IQCN: variants seen among roughly 807,000 people sequenced by gnomAD.
IQCN encodes the protein IQ motif containing N.
IQCN carries 46 observed loss-of-function variants against 64.4 expected under a neutral mutation model. That is an observed-to-expected ratio of 0.71 (90% confidence interval 0.56 to 0.91). The LOEUF (loss-of-function observed/expected upper bound fraction) is 0.91. Ranked by LOEUF, IQCN falls within the 40% of genes least tolerant of loss-of-function variation. The pLI is 0.00. For missense variants in IQCN, 1,753 were observed against 1,857.4 expected (o/e 0.94, Z 1.03); for synonymous variants, 733 against 775.6 (o/e 0.95, Z 0.91).
In IQCN at chr19:18,264,221, C is replaced by G; in HGVS notation, c.3177+142G>C. 1 of 693,752 alleles carries G rather than the reference C, an allele frequency of 1.4e-6. No homozygotes were observed. Among genetic ancestry groups the G allele is most frequent in the Non-Finnish European group, 2.3e-6 (1 of 428,406 alleles). The allele number at this position is 693,752 out of a possible 1,614,324, so 43.0% of individuals were successfully genotyped here. A position where few individuals can be genotyped will look rare whatever the true frequency, so the allele number is the denominator to read the frequency against. On this transcript the variant is annotated intron_variant, in intron 3 of 3. Coordinates refer to ENST00000392413, the MANE Select transcript of IQCN (RefSeq NM_001145304.2). The surrounding 1 kb of genome is among the most constrained non-coding windows in gnomAD (Gnocchi z 4.3). ...GGTGAATGCTGGTGATGACGCTACCCATCACCGAGGCTCCCACAGTGACCA... is the reference window on the plus strand; with the variant it reads ...GGTGAATGCTGGTGATGACGCTACCGATCACCGAGGCTCCCACAGTGACCA...
At position 18,263,811 on chromosome 19, in the gene IQCN, A is replaced by G. The variant is rs141886756; in HGVS notation, c.3177+552T>C. ...AACATGGGCAGCCCTCCCACCACCC[A>G]CGCTGCAAGGAAGCCTACCCGAGGC... is the stretch of plus-strand genomic sequence containing the variant. On this transcript the variant is annotated intron_variant, in intron 3 of 3. Transcript: ENST00000392413. Among the ~76,000 whole-genome samples, 14 of 152,140 alleles carry G rather than the reference A, an allele frequency of 9.2e-5. No homozygotes were observed. The East Asian group carries it at 2.5e-3, about 27-fold the overall frequency.
rs1969512009 is a variant in IQCN at position 18,264,778 on chromosome 19, C to A, written c.2762G>T (p.Gly921Val). Residue 921 changes from glycine (G) to valine (V), a missense_variant, in exon 3 of 4, where the codon GGT (glycine) becomes GTT (valine). Physicochemically the swap from Gly to Val is moderately radical, Grantham distance 109. Transcript: ENST00000392413. The surrounding 1 kb of genome is among the most constrained non-coding windows in gnomAD (Gnocchi z 4.3). ...LNQALSKEVL[G>V]ATVTKALPQS... is the part of the protein sequence containing the mutation. ...GGGCAGGGCTTTGGTGACAGTGGCA[C>A]CCAGGACCTCCTTGGACAGGGCCTG... 7.1e-6 allele frequency: 11 copies of A among 1,551,328 alleles called. No individual in the cohort carries two copies. The highest frequency in any genetic ancestry group is 9.6e-6 in the Non-Finnish European group (11 of 1,147,046).
chr19:18,263,722 G>C (rs1201085996), intron 3 of IQCN, among the ~76,000 whole-genome samples: 2 of 152,120 alleles, frequency 1.3e-5, no homozygotes, highest in Admixed American at 6.5e-5. Context: ...GGTTGGTAGA[G>C]ACCACGATGT....
intron 3 of IQCN, chr19:18,260,692 G>A (rs1969406902): frequency 6.5e-6 from 1 of 152,854 alleles, no homozygotes; most frequent in African/African-American, 2.4e-5. Context: ...GCAGTGGTCT[G>A]AGATGGGTGG....
At position 18,258,267 on chromosome 19, in the gene IQCN, G is replaced by T. The variant is rs1428909698; in HGVS notation, c.3178-161C>A. ...TAGAGACACCCTCCGAACTCCCGGGGCCAGCGGAGGAATGACCGAGGAGTG... is the reference window on the plus strand; with the variant it reads ...TAGAGACACCCTCCGAACTCCCGGGTCCAGCGGAGGAATGACCGAGGAGTG... On this transcript the variant is annotated intron_variant, in intron 3 of 3. Transcript: ENST00000392413. 4 of 783,520 alleles carry T rather than the reference G, an allele frequency of 5.1e-6. No individual in the cohort carries two copies. In the African/African-American group the frequency reaches 6.8e-5, roughly 13 times the overall value. 48.5% of individuals were successfully genotyped at this position (783,520 alleles called of 1,614,324 possible).
rs753526376 is a variant in IQCN, at chr19:18,266,729, G to A, written c.811C>T (p.Leu271Phe). 4.3e-6 allele frequency: 7 copies of A among 1,614,016 alleles called. No homozygotes were observed. The African/African-American group carries it at 8.0e-5, about 18-fold the overall frequency. Residue 271 changes from leucine (L) to phenylalanine (F), a missense_variant, in exon 3 of 4, where the codon CTC becomes TTC. Transcript: ENST00000392413. This position sits in a 1 kb window ranked among gnomAD's most constrained non-coding sequence, Gnocchi z 4.3. ...ACTGAGTCACCCTCTATGTGGACGA[G>A]GCAGGTGCTTCTGATGGTTCTGGTC... is the stretch of plus-strand genomic sequence containing the variant. ...LLTRTIRSTC[L>F]VHIEGDSVKT...
chr19:18,267,687 GCCAT>G, intron 2 of IQCN, 161 bp from the exon 3 acceptor site: 1 of 831,886 alleles, frequency 1.2e-6, no homozygotes, highest in South Asian at 2.6e-5. Flanking sequence ...AGTGGTCTTT[GCCAT>G]CCTTATATCC....
At chr19:18,270,141 C>A (rs1969703853) in intron 1 of IQCN, among the ~76,000 whole-genome samples, 1 of 150,902 alleles carries the variant, frequency 6.6e-6, no homozygotes, top group African/African-American at 2.4e-5. Context: ...GGGTGGATCA[C>A]CTGAGGTCAG....
chr19:18,273,902 A>G (rs1305179154), intron 1 of IQCN, among the ~76,000 whole-genome samples: 1 of 152,122 alleles, frequency 6.6e-6, no homozygotes, highest in Non-Finnish European at 1.5e-5. Flanking sequence ...GGTAATTTTG[A>G]GTAAACCCCT....
In IQCN at chr19:18,257,410, G is replaced by A. The variant is rs150551510; in HGVS notation, c.3874C>T (p.Leu1292=). The part of the protein sequence containing the change: ...SWASAYQLAA[L]SPRQPHRQDK... ...TGGCGATGCGGCTGCCTGGGACTCAGGGCAGCCAGCTGGTAGGCGGAGGCC... is the reference window on the plus strand; with the variant it reads ...TGGCGATGCGGCTGCCTGGGACTCAAGGCAGCCAGCTGGTAGGCGGAGGCC... Residue 1292 remains leucine (L), a synonymous_variant, in exon 4 of 4, where the codon CTG becomes TTG. Coordinates refer to ENST00000392413, the MANE Select transcript of IQCN (RefSeq NM_001145304.2). The A allele has an allele frequency of 4.3e-6, 7 of 1,610,328 alleles. No homozygotes were observed. The highest frequency in any genetic ancestry group is 3.3e-5 in the Admixed American group (2 of 59,958).
chr19:18,268,299 A>T (rs1254006730), intron 2 of IQCN, among the ~76,000 whole-genome samples: 1 of 151,340 alleles, frequency 6.6e-6, no homozygotes, highest in African/African-American at 2.4e-5. Flanking sequence ...AGACAGAGTC[A>T]TTTCTGTGTC....
chr19:18,258,222 C>A, intron 3 of IQCN, 116 bp from the exon 4 acceptor site: 1 of 1,144,952 alleles, frequency 8.7e-7, no homozygotes, highest in Non-Finnish European at 1.3e-6. Context: ...CAGGGAACCA[C>A]TTGGGGAAGA....
chr19:18,270,269 G>A (rs1292838362), intron 1 of IQCN, among the ~76,000 whole-genome samples: 3 of 151,336 alleles, frequency 2.0e-5, no homozygotes, highest in South Asian at 4.2e-4. Context: ...GCTGAGGCAG[G>A]AGAATATCTT....
chr19:18,271,892 C>A (rs1199911171), intron 1 of IQCN, among the ~76,000 whole-genome samples: 1 of 151,934 alleles, frequency 6.6e-6, no homozygotes, highest in African/African-American at 2.4e-5. Flanking sequence ...TCACTGCAAC[C>A]TCCGCCTCCT....
At chr19:18,272,805 T>C (rs1386306844) in intron 1 of IQCN, among the ~76,000 whole-genome samples, 1 of 151,700 alleles carries the variant, frequency 6.6e-6, no homozygotes, top group Non-Finnish European at 1.5e-5. Context: ...AGAGACGGGG[T>C]TTCACTATGC....
Position 18,257,951 on chromosome 19 carries a change from C to T in IQCN, c.3333G>A (p.Glu1111=). The T allele has an allele frequency of 6.2e-7, 1 of 1,612,936 alleles. No homozygotes were observed. Among genetic ancestry groups the T allele is most frequent in the Non-Finnish European group, 8.5e-7 (1 of 1,179,948 alleles). The change falls in exon 4 of 4, where the codon GAG becomes GAA. Residue 1111 remains glutamate (E), a synonymous_variant. Transcript: ENST00000392413. ...TAGTGATCACTGCGAGGATGCGGAT[C>T]TCCTCTGCAGCCTGCATGGACACCA... The part of the protein sequence containing the change: ...EPMVSMQAAE[E]IRILAVITIQ...
chr19:18,273,490 C>T (rs981838587), intron 1 of IQCN, among the ~76,000 whole-genome samples: 3 of 152,214 alleles, frequency 2.0e-5, no homozygotes, highest in African/African-American at 2.4e-5. Context: ...GCATGCGCCA[C>T]CACACCTAAT....
intron 2 of IQCN, among the ~76,000 whole-genome samples, chr19:18,269,022 C>T (rs905050344): frequency 6.7e-6 from 1 of 149,970 alleles, no homozygotes; most frequent in African/African-American, 2.5e-5. Flanking sequence ...CCCAGCTAGT[C>T]GGGAGGCTGA....
Position 18,257,650 on chromosome 19 carries a change from C to G in IQCN, c.3634G>C (p.Ala1212Pro). Residue 1212 changes from alanine to proline, a missense_variant, in exon 4 of 4, where the codon GCC becomes CCC. Coordinates refer to ENST00000392413, the MANE Select transcript of IQCN (RefSeq NM_001145304.2). ...CAGCGATGGTCAGATACTGTCCTGG[C>G]TCTGCCATCCTGGAACCAGCTTCGG... Reference protein sequence around the residue: ...SDRSWFQDGRARTVSDHRCFQ... With the variant: ...SDRSWFQDGRPRTVSDHRCFQ... 1.2e-6 allele frequency: 2 copies of G among 1,609,942 alleles called. No individual in the cohort carries two copies. Among genetic ancestry groups the G allele is most frequent in the South Asian group, 2.2e-5 (2 of 90,812 alleles).
Sources: gnomAD v4.1 joint callset for allele counts (sites outside exome capture counted in the v4.1 genomes callset) on GRCh38, gnomAD v4.1.1 for gene constraint, Gnocchi (gnomAD v3.1) non-coding constraint, MANE v1.5 for transcripts, NCBI Gene and HGNC (gene_info 2026-07-23, HGNC 2026-07-21) for gene names.